CTBP2: variants seen among roughly 807,000 people sequenced by gnomAD.
The protein encoded by CTBP2 is C-terminal binding protein 2.
A neutral mutation model predicts 80.3 loss-of-function variants in CTBP2; 30 were observed. The ratio of observed to expected loss-of-function variants is 0.37; its 90% CI spans 0.28 to 0.51. The LOEUF (loss-of-function observed/expected upper bound fraction) is 0.51, where lower values mean the gene tolerates loss of function less well. Ranked by LOEUF, CTBP2 falls within the 20% of genes least tolerant of loss-of-function variation. CTBP2 has a pLI of 0.93. For synonymous variants in CTBP2, 594 were observed against 587.4 expected (o/e 1.01, Z -0.16); for missense variants, 1,212 against 1,375.3 (o/e 0.88, Z 1.88).
intron 1 of CTBP2, among the ~76,000 whole-genome samples, chr10:125,112,641 C>T (rs1852500739): frequency 6.6e-6 from 1 of 151,428 alleles, no homozygotes; most frequent in Non-Finnish European, 1.5e-5. Flanking sequence ...GTTGGTCAGG[C>T]TGGTATCAAA....
chr10:125,017,545 T>G (rs1472760462), intron 1 of CTBP2, among the ~76,000 whole-genome samples: 1 of 152,188 alleles, frequency 6.6e-6, no homozygotes, highest in Admixed American at 6.5e-5. Context: ...TTATTAAAAC[T>G]TTACCCTTGT....
chr10:125,107,053 G>A (rs116093378), intron 2 of CTBP2, among the ~76,000 whole-genome samples: 15 of 152,344 alleles, frequency 9.8e-5, no homozygotes, highest in Middle Eastern at 3.4e-3. Flanking sequence ...TTTATCCTTG[G>A]GGGGTGGAGG....
chr10:125,039,846 G>A (rs1207015805), intron 2 of CTBP2, among the ~76,000 whole-genome samples: 2 of 152,214 alleles, frequency 1.3e-5, no homozygotes, highest in Admixed American at 1.3e-4. Flanking sequence ...CAGCTATATG[G>A]GCTGAAGTAT....
intron 1 of CTBP2, chr10:125,005,523 G>C: frequency 6.3e-7 from 1 of 1,595,058 alleles, no homozygotes. Flanking sequence ...GCAGGGACGA[G>C]GGCCAACACC....
intron 2 of CTBP2, among the ~76,000 whole-genome samples, chr10:125,086,934 AGG>A (rs1415343905): frequency 4.6e-5 from 7 of 152,174 alleles, no homozygotes; most frequent in Non-Finnish European, 7.3e-5. Context: ...GCGGATCCTG[AGG>A]AACAGTCCAC....
chr10:125,024,020 T>C (rs1957307474), intron 1 of CTBP2, among the ~76,000 whole-genome samples: 1 of 152,198 alleles, frequency 6.6e-6, no homozygotes, highest in African/African-American at 2.4e-5. Flanking sequence ...GATTTCCAGA[T>C]GGCCGCGTCC....
intron 7 of CTBP2, 135 bp downstream of exon 9, chr10:124,993,067 G>A: frequency 2.7e-6 from 3 of 1,124,408 alleles, no homozygotes; most frequent in Non-Finnish European, 3.7e-6. Context: ...AAATAAACAG[G>A]GCCCAACTCA....
In CTBP2 at chr10:125,158,303, C is replaced by A. The variant is rs551623978; in HGVS notation, c.-206+2016G>T. Among the ~76,000 whole-genome samples the A allele has an allele frequency of 1.8e-3, 274 of 152,274 alleles. 4 individuals carry two copies. Among genetic ancestry groups the A allele is most frequent in the Admixed American group, 0.017 (259 of 15,302 alleles). ...TTTTTAAACTGTCTTCGAACCCAAA[C>A]ACCTAGTAGAGAAAGCTATCTTTTT... On this transcript the variant is annotated intron_variant, in intron 1 of 10. Coordinates refer to the CTBP2 transcript ENST00000337195.
At chr10:125,142,908 G>A (rs916999810) in intron 1 of CTBP2, among the ~76,000 whole-genome samples, 1 of 152,162 alleles carries the variant, frequency 6.6e-6, no homozygotes, top group African/African-American at 2.4e-5. Context: ...ACCTCCCGTG[G>A]TTTAGTGGCC....
At chr10:125,143,790 C>A (rs139254584) in intron 1 of CTBP2, among the ~76,000 whole-genome samples, 1 of 151,942 alleles carries the variant, frequency 6.6e-6, no homozygotes, top group Non-Finnish European at 1.5e-5. Context: ...TCATAAACAC[C>A]ATAAATCATA....
intron 2 of CTBP2, among the ~76,000 whole-genome samples, chr10:125,102,227 A>G (rs551062861): frequency 3.1e-4 from 47 of 152,318 alleles, no homozygotes; most frequent in African/African-American, 8.2e-4. Flanking sequence ...TCAAGTTGTA[A>G]ACATTTTTTG....
At chr10:125,106,496 G>A (rs1851480348) in intron 2 of CTBP2, among the ~76,000 whole-genome samples, 1 of 152,206 alleles carries the variant, frequency 6.6e-6, no homozygotes, top group Non-Finnish European at 1.5e-5. Flanking sequence ...GGATCTGGGC[G>A]TCAAGTTCTT....
chr10:125,011,850 A>C (rs999202070), intron 1 of CTBP2, among the ~76,000 whole-genome samples: 12 of 152,210 alleles, frequency 7.9e-5, no homozygotes, highest in Non-Finnish European at 1.3e-4. Context: ...GTTTTTAGGC[A>C]CTGGTGGCTT....
chr10:125,139,544 G>C (rs990698071), intron 1 of CTBP2, among the ~76,000 whole-genome samples: 2 of 151,558 alleles, frequency 1.3e-5, no homozygotes, highest in African/African-American at 4.9e-5. Context: ...TTTTTTTCTC[G>C]ACTGTTCATT....
chr10:125,005,497 G>A lies in CTBP2; in HGVS notation c.1679-2005C>T, dbSNP rs372275959. On this transcript the variant is annotated intron_variant, in intron 1 of 8. Transcript: ENST00000309035. Reference sequence around the variant, plus strand: ...TTCTGCACCAGGAAAACAGGGCAGGGGAGGGGGAAAATAAGGCAGGGACGA... The same window carrying A: ...TTCTGCACCAGGAAAACAGGGCAGGAGAGGGGGAAAATAAGGCAGGGACGA... The A allele has an allele frequency of 2.0e-3, 3,116 of 1,535,488 alleles. 4 individuals carry two copies. Among genetic ancestry groups the A allele is most frequent in the Non-Finnish European group, 2.6e-3 (2,923 of 1,130,734 alleles).
chr10:125,098,714 G>C lies in CTBP2; in HGVS notation c.-102+12276C>G, dbSNP rs1590760409. ...AGAGAGAGAGAGAGAGAGACAGAGA[G>C]AGAGAGAGACAGAGAGAGAGAGAGA... On this transcript the variant is annotated intron_variant, in intron 2 of 10. Coordinates refer to the CTBP2 transcript ENST00000337195. 7.8e-4 allele frequency among the ~76,000 whole-genome samples: 102 copies of C among 130,800 alleles called. 3 individuals are homozygous for C. Among genetic ancestry groups the C allele is most frequent in the East Asian group, 1.1e-3 (5 of 4,462 alleles). 85.8% of individuals were successfully genotyped at this position (130,800 alleles called of 152,430 possible).
chr10:125,050,749 C>T (rs1430622295), intron 2 of CTBP2, among the ~76,000 whole-genome samples: 1 of 152,228 alleles, frequency 6.6e-6, no homozygotes, highest in African/African-American at 2.4e-5. Context: ...GACGAGTACA[C>T]CACCCCATTT....
chr10:125,152,928 C>T (rs528050596), intron 1 of CTBP2, among the ~76,000 whole-genome samples: 2 of 152,312 alleles, frequency 1.3e-5, no homozygotes, highest in Non-Finnish European at 2.9e-5. Flanking sequence ...TGGTCACCCC[C>T]CACTGGGAAG....
chr10:125,148,883 G>C (rs959475870), intron 1 of CTBP2, among the ~76,000 whole-genome samples: 2 of 152,226 alleles, frequency 1.3e-5, no homozygotes, highest in Admixed American at 1.3e-4. Flanking sequence ...AAATGAGAAG[G>C]ATGTGTGCAA....
Sources: allele counts gnomAD v4.1 joint callset (sites outside exome capture counted in the v4.1 genomes callset), GRCh38; gene constraint gnomAD v4.1.1; transcripts MANE v1.5; gene names NCBI Gene and HGNC (gene_info 2026-07-23, HGNC 2026-07-21).